Variants in CIRSR observed in about 807,000 individuals in gnomAD.
CIRSR encodes CBF1 (RBPJ) interacting corepressor 1.
the CIRSR span, among the ~76,000 whole-genome samples, chr2:174,356,311 C>CA: frequency 1.3e-5 from 2 of 151,740 alleles, no homozygotes; most frequent in African/African-American, 4.8e-5. Flanking sequence ...ACAAAAAATA[C>CA]AAAAATTAGC....
At chr2:174,365,613 G>A in the CIRSR span, among the ~76,000 whole-genome samples, 2 of 152,230 alleles carry the variant, frequency 1.3e-5, no homozygotes, top group African/African-American at 2.4e-5. Context: ...GCAAGGAGGA[G>A]CAAGTCACAT....
chr2:174,354,274 A>G, the CIRSR span, among the ~76,000 whole-genome samples: 1 of 148,756 alleles, frequency 6.7e-6, no homozygotes. Context: ...CTCGACAAAT[A>G]GTACTTAATA....
At chr2:174,380,240 CT>C in the CIRSR span, 1 of 1,597,800 alleles carries the variant, frequency 6.3e-7, no homozygotes, top group Non-Finnish European at 8.5e-7. Flanking sequence ...TTCATGTCAT[CT>C]TTGGCATATC....
At chr2:174,350,480 A>G in the CIRSR span, among the ~76,000 whole-genome samples, 1 of 152,110 alleles carries the variant, frequency 6.6e-6, no homozygotes, top group Non-Finnish European at 1.5e-5. Context: ...ACAATCTTAC[A>G]CTCATTTCCA....
chr2:174,351,792 AG>A, the CIRSR span: 2 of 1,201,418 alleles, frequency 1.7e-6, no homozygotes, highest in African/African-American at 1.5e-5. Flanking sequence ...ACTCCACAGT[AG>A]GAATGCAGTT....
chr2:174,355,866 G>C, the CIRSR span, among the ~76,000 whole-genome samples: 145 of 152,230 alleles, frequency 9.5e-4, 6 homozygotes, highest in East Asian at 0.025. Flanking sequence ...CAGTCCCAGG[G>C]GAATGCCACA....
At chr2:174,395,536 G>A in the CIRSR span, 4 of 1,613,426 alleles carry the variant, frequency 2.5e-6, no homozygotes, top group Non-Finnish European at 3.4e-6. Flanking sequence ...TCCCTCCCCG[G>A]GTCTGTTTAC....
At chr2:174,381,618 C>T in the CIRSR span, 1 of 965,346 alleles carries the variant, frequency 1.0e-6, no homozygotes, top group Non-Finnish European at 1.5e-6. Context: ...GATGGCACCA[C>T]TGCACTCCAG....
chr2:174,381,830 T>C, the CIRSR span: 1 of 1,249,818 alleles, frequency 8.0e-7, no homozygotes, highest in South Asian at 1.4e-5. Flanking sequence ...AAAAAAAAAT[T>C]ATAGAATAAT....
chr2:174,349,161 C>T, the CIRSR span: 12 of 1,444,700 alleles, frequency 8.3e-6, no homozygotes, highest in Non-Finnish European at 1.1e-5. Flanking sequence ...CTTCTCCAGT[C>T]GATCTAATTT....
At chr2:174,358,854 A>G in the CIRSR span, among the ~76,000 whole-genome samples, 1 of 152,176 alleles carries the variant, frequency 6.6e-6, no homozygotes, top group Non-Finnish European at 1.5e-5. Flanking sequence ...CTGGGATTAC[A>G]GGTGCACGCC....
the CIRSR span, among the ~76,000 whole-genome samples, chr2:174,383,376 A>G: frequency 1.3e-5 from 2 of 152,134 alleles, no homozygotes; most frequent in South Asian, 4.1e-4. Context: ...TAAAAACAAC[A>G]AACACTTTAA....
chr2:174,385,225 A>C, the CIRSR span, among the ~76,000 whole-genome samples: 1,214 of 151,718 alleles, frequency 8.0e-3, 26 homozygotes, highest in African/African-American at 0.028. Context: ...CAAAAAAAAA[A>C]AAAAAAAAAA....
At chr2:174,369,967 T>C in the CIRSR span, 9 of 1,364,092 alleles carry the variant, frequency 6.6e-6, no homozygotes, top group South Asian at 9.2e-5. Flanking sequence ...TGCTGATAGA[T>C]TTGCTCAGCA....
At chr2:174,365,509 A>G in the CIRSR span, among the ~76,000 whole-genome samples, 2 of 152,146 alleles carry the variant, frequency 1.3e-5, no homozygotes, top group Non-Finnish European at 2.9e-5. Flanking sequence ...ATGCTGATAA[A>G]GCTATACCCC....
the CIRSR span, among the ~76,000 whole-genome samples, chr2:174,373,553 C>G: frequency 2.0e-5 from 3 of 152,024 alleles, no homozygotes; most frequent in Non-Finnish European, 4.4e-5. Context: ...GTAATTTCAC[C>G]TAATTAACAT....
At chr2:174,366,271 A>G in the CIRSR span, among the ~76,000 whole-genome samples, 19 of 152,326 alleles carry the variant, frequency 1.2e-4, no homozygotes, top group African/African-American at 4.1e-4. Flanking sequence ...AGAAAGGAAC[A>G]GAAGAAATAT....
chr2:174,385,325 A>G, the CIRSR span, among the ~76,000 whole-genome samples: 1 of 152,134 alleles, frequency 6.6e-6, no homozygotes, highest in African/African-American at 2.4e-5. Context: ...CAGTAAAAAC[A>G]AAAGAGAAAC....
the CIRSR span, chr2:174,348,527 A>G: frequency 6.2e-7 from 1 of 1,613,350 alleles, no homozygotes; most frequent in South Asian, 1.1e-5. Context: ...TAGTATGTGT[A>G]CCTCCTGGGT....
Sources: gnomAD v4.1 joint callset for allele counts (sites outside exome capture counted in the v4.1 genomes callset) on GRCh38, gnomAD v4.1.1 for gene constraint, MANE v1.5 for transcripts, NCBI Gene and HGNC (gene_info 2026-07-23, HGNC 2026-07-21) for gene names.